Variants in CNTLN observed in about 807,000 individuals in gnomAD.
CNTLN encodes the protein centlein.
In CNTLN, 212 loss-of-function variants were observed where a neutral mutation model predicts 180.0. The observed-to-expected ratio is 1.18, with a 90% CI of 1.05 to 1.32. CNTLN has a LOEUF of 1.32. Among genes scored for constraint, CNTLN ranks in the 40% most tolerant of loss-of-function variants. The pLI is 0.00. For synonymous variants in CNTLN, 722 were observed against 563.1 expected (o/e 1.28, Z -3.99); for missense variants, 2,095 against 1,610.9 (o/e 1.30, Z -5.14).
At chr9:17,251,613 G>A (rs541541113) in intron 5 of CNTLN, among the ~76,000 whole-genome samples, 27 of 151,316 alleles carry the variant, frequency 1.8e-4, no homozygotes, top group African/African-American at 6.3e-4. Flanking sequence ...CCCTTTCATT[G>A]ATATGTAATA....
At chr9:17,498,701 C>G (rs1370992224) in intron 25 of CNTLN, among the ~76,000 whole-genome samples, 1 of 152,172 alleles carries the variant, frequency 6.6e-6, no homozygotes, top group South Asian at 2.1e-4. Context: ...AATATCATTT[C>G]TCCTTCTTTA....
Position 17,402,165 on chromosome 9 carries a change from C to T in CNTLN, c.2615+7096C>T, listed in dbSNP as rs1271999304. On this transcript the variant is annotated intron_variant, in intron 15 of 25. Coordinates refer to ENST00000380647, the MANE Select transcript of CNTLN (RefSeq NM_017738.4). The stretch of plus-strand genomic sequence containing the variant: ...TGACAACTGTTCTCTATTCAAAAAG[C>T]TAGTACTACTGGGAAGAGGCTGCAG... Among the ~76,000 whole-genome samples the T allele has an allele frequency of 2.6e-5, 4 of 151,784 alleles. No homozygotes were observed. The East Asian group carries it at 7.7e-4, about 29-fold the overall frequency.
intron 13 of CNTLN, among the ~76,000 whole-genome samples, chr9:17,381,848 G>A (rs1269296149): frequency 6.6e-6 from 1 of 152,132 alleles, no homozygotes; most frequent in Non-Finnish European, 1.5e-5. Context: ...CAGGCTGAAG[G>A]GGCAGTGACT....
intron 25 of CNTLN, among the ~76,000 whole-genome samples, chr9:17,494,694 C>G (rs912900188): frequency 3.0e-4 from 46 of 152,208 alleles, no homozygotes; most frequent in African/African-American, 1.0e-3. Flanking sequence ...CCACAAGTGA[C>G]ACTGTAACCA....
At chr9:17,234,584 G>C (rs1825019200) in intron 3 of CNTLN, among the ~76,000 whole-genome samples, 1 of 151,992 alleles carries the variant, frequency 6.6e-6, no homozygotes, top group Admixed American at 6.6e-5. Flanking sequence ...ATTTGATAAG[G>C]AAGAAATGTG....
At chr9:17,399,654 TG>T (rs112952839) in intron 15 of CNTLN, among the ~76,000 whole-genome samples, 4,634 of 152,200 alleles carry the variant, frequency 0.03, 226 homozygotes, top group African/African-American at 0.11. Context: ...TGTAAACAGA[TG>T]ATAACAACTG....
At chr9:17,525,141 C>T in the CNTLN span, among the ~76,000 whole-genome samples, 3 of 152,146 alleles carry the variant, frequency 2.0e-5, no homozygotes, top group Non-Finnish European at 4.4e-5. Context: ...TGCCCAACAT[C>T]CCTCAGCCAA....
chr9:17,366,749 G>A (rs771405545), intron 13 of CNTLN, 32 bp downstream of exon 13: 37 of 1,145,098 alleles, frequency 3.2e-5, no homozygotes, highest in Non-Finnish European at 4.5e-5. Flanking sequence ...ACTTAACAGA[G>A]GAATTTTAAA....
chr9:17,401,335 C>T (rs1016792468), intron 15 of CNTLN, among the ~76,000 whole-genome samples: 1 of 151,846 alleles, frequency 6.6e-6, no homozygotes. Flanking sequence ...TGTCTGACTA[C>T]CTAATATAGT....
the CNTLN span, among the ~76,000 whole-genome samples, chr9:17,519,973 G>C: frequency 6.6e-6 from 1 of 152,222 alleles, no homozygotes; most frequent in African/African-American, 2.4e-5. Flanking sequence ...AGCCTTCTCA[G>C]AGAGTGCAGG....
chr9:17,279,384 C>T (rs1460681487), intron 6 of CNTLN, among the ~76,000 whole-genome samples: 2 of 152,112 alleles, frequency 1.3e-5, no homozygotes, highest in Non-Finnish European at 2.9e-5. Context: ...CCTATTGCTA[C>T]CATATGCTTT....
intron 12 of CNTLN, 114 bp downstream of exon 12, chr9:17,342,558 G>A (rs1413388073): frequency 8.4e-6 from 8 of 954,772 alleles, no homozygotes; most frequent in Non-Finnish European, 1.2e-5. Flanking sequence ...TCTGATTTTT[G>A]CCAATAAAAG....
chr9:17,491,350 G>C (rs966946944), intron 25 of CNTLN, among the ~76,000 whole-genome samples: 2 of 151,982 alleles, frequency 1.3e-5, no homozygotes, highest in East Asian at 3.9e-4. Flanking sequence ...TGGGGACGGA[G>C]GACAATAAAT....
chr9:17,510,323 G>T, the CNTLN span, among the ~76,000 whole-genome samples: 1 of 152,172 alleles, frequency 6.6e-6, no homozygotes, highest in Non-Finnish European at 1.5e-5. Flanking sequence ...ACATAAATGA[G>T]AAATACATTT....
intron 2 of CNTLN, among the ~76,000 whole-genome samples, chr9:17,144,424 T>A (rs1363840634): frequency 1.3e-5 from 2 of 152,208 alleles, no homozygotes; most frequent in Non-Finnish European, 2.9e-5. Flanking sequence ...TCTGTTTTTT[T>A]AGTAGAATAA....
At chr9:17,380,559 C>T (rs1460588439) in intron 13 of CNTLN, among the ~76,000 whole-genome samples, 1 of 152,120 alleles carries the variant, frequency 6.6e-6, no homozygotes, top group Non-Finnish European at 1.5e-5. Flanking sequence ...TTGGGGAGGG[C>T]AGCTTTCCCC....
chr9:17,199,895 G>C (rs1489710065), intron 2 of CNTLN, among the ~76,000 whole-genome samples: 1 of 152,100 alleles, frequency 6.6e-6, no homozygotes, highest in Non-Finnish European at 1.5e-5. Context: ...TTGGTGTATG[G>C]TCATGAAGTC....
chr9:17,213,110 T>C (rs1405782576), intron 2 of CNTLN, among the ~76,000 whole-genome samples: 1 of 152,232 alleles, frequency 6.6e-6, no homozygotes, highest in Non-Finnish European at 1.5e-5. Flanking sequence ...TTTGAATGTG[T>C]TTGCTCTTGC....
rs187250234 is a variant in CNTLN at position 17,152,019 on chromosome 9, T to C, written c.449+8643T>C. ...ATCAGTGGTGATATCCCCTATATCA[T>C]TTTTTATGGCATCTATTTGATTCTT... On this transcript the variant is annotated intron_variant, in intron 2 of 25. Transcript: ENST00000380647. Among the ~76,000 whole-genome samples, 771 of 152,306 alleles carry C rather than the reference T, an allele frequency of 5.1e-3. 5 individuals carry two copies. The highest frequency in any genetic ancestry group is 8.0e-3 in the Admixed American group (122 of 15,292).
Sources: gnomAD v4.1 joint callset for allele counts (sites outside exome capture counted in the v4.1 genomes callset) on GRCh38, gnomAD v4.1.1 for gene constraint, MANE v1.5 for transcripts, NCBI Gene and HGNC (gene_info 2026-07-23, HGNC 2026-07-21) for gene names.